The following DOK5 variants were observed in gnomAD, a reference collection of about 807,000 sequenced individuals.
The protein encoded by DOK5 is docking protein 5.
Under a neutral mutation model 43.3 loss-of-function variants are expected in DOK5, and 27 were observed. That is an observed-to-expected ratio of 0.62 (90% CI 0.46 to 0.86). The LOEUF (loss-of-function observed/expected upper bound fraction) is 0.86, where lower values mean the gene tolerates loss of function less well. Ranked by LOEUF, DOK5 falls within the 40% of genes least tolerant of loss-of-function variation. DOK5 has a pLI of 0.00. For missense variants in DOK5, 373 were observed against 392.9 expected (o/e 0.95, Z 0.43); for synonymous variants, 146 against 140.1 (o/e 1.04, Z -0.30).
At chr20:54,612,569 TA>T (rs1986684147) in intron 6 of DOK5, among the ~76,000 whole-genome samples, 1 of 151,080 alleles carries the variant, frequency 6.6e-6, no homozygotes, top group South Asian at 2.1e-4. Flanking sequence ...GAGGCCAGAA[TA>T]GAACAAAAGG....
At chr20:54,506,485 G>C (rs1018981112) in intron 1 of DOK5, among the ~76,000 whole-genome samples, 1 of 152,088 alleles carries the variant, frequency 6.6e-6, no homozygotes, top group Non-Finnish European at 1.5e-5. Flanking sequence ...TATTGAGACA[G>C]GGTCTTTCTC....
At chr20:54,622,965 G>A (rs1345156746) in intron 6 of DOK5, among the ~76,000 whole-genome samples, 1 of 152,138 alleles carries the variant, frequency 6.6e-6, no homozygotes, top group Non-Finnish European at 1.5e-5. Context: ...ATGAAATCAA[G>A]TACAGGACCC....
chr20:54,617,781 A>T (rs761699634), intron 6 of DOK5, among the ~76,000 whole-genome samples: 1 of 152,142 alleles, frequency 6.6e-6, no homozygotes, highest in Non-Finnish European at 1.5e-5. Context: ...TAGTGGTTTG[A>T]TTTTTCACTT....
intron 2 of DOK5, among the ~76,000 whole-genome samples, chr20:54,584,774 T>TACACACACAC (rs139033675): frequency 3.3e-4 from 48 of 146,642 alleles, no homozygotes; most frequent in African/African-American, 1.0e-3. Context: ...TATCTAGATA[T>TACACACACAC]ACACACACAC....
intron 2 of DOK5, among the ~76,000 whole-genome samples, chr20:54,585,539 T>C (rs1000291654): frequency 6.6e-6 from 1 of 152,162 alleles, no homozygotes; most frequent in African/African-American, 2.4e-5. Flanking sequence ...TTGGCACACG[T>C]GCTCTACCTC....
chr20:54,594,791 T>C (rs903691537), intron 5 of DOK5, among the ~76,000 whole-genome samples: 20 of 152,250 alleles, frequency 1.3e-4, no homozygotes, highest in African/African-American at 4.8e-4. Context: ...ATATCTATTT[T>C]AAACTTGAAA....
intron 1 of DOK5, among the ~76,000 whole-genome samples, chr20:54,486,203 G>A (rs920694978): frequency 6.6e-6 from 1 of 152,056 alleles, no homozygotes; most frequent in Admixed American, 6.6e-5. Flanking sequence ...TTATGCCTAT[G>A]GATGTACAGT....
intron 1 of DOK5, among the ~76,000 whole-genome samples, chr20:54,522,427 G>A (rs557224000): frequency 6.6e-6 from 1 of 152,266 alleles, no homozygotes; most frequent in Non-Finnish European, 1.5e-5. Context: ...GAAGACCATA[G>A]GTAGAGGCAG....
At chr20:54,524,106 C>T (rs138584983) in intron 1 of DOK5, among the ~76,000 whole-genome samples, 3 of 152,176 alleles carry the variant, frequency 2.0e-5, no homozygotes, top group Admixed American at 6.5e-5. Flanking sequence ...TCTAGCCCAA[C>T]GTTTATGCCC....
intron 1 of DOK5, among the ~76,000 whole-genome samples, chr20:54,485,863 G>A (rs982158834): frequency 4.6e-5 from 7 of 152,150 alleles, no homozygotes; most frequent in Non-Finnish European, 7.3e-5. Context: ...TAGATGTGTC[G>A]TGGTATCTTA....
rs897138237 is a variant in DOK5 at position 54,559,531 on chromosome 20, C to T, written c.174+4491C>T. Among the ~76,000 whole-genome samples, 4 of 151,862 alleles carry T rather than the reference C, an allele frequency of 2.6e-5. No homozygotes were observed. The East Asian group carries it at 5.8e-4, about 22-fold the overall frequency. ...TGAACGAAAGAGTGTGTCAAAAGAG[C>T]CTTTCATGATTAAATGTTGTGTGGT... On this transcript the variant is annotated intron_variant, in intron 2 of 7. Transcript: ENST00000262593.
At chr20:54,564,847 C>T (rs1225844105) in intron 2 of DOK5, among the ~76,000 whole-genome samples, 1 of 152,206 alleles carries the variant, frequency 6.6e-6, no homozygotes, top group African/African-American at 2.4e-5. Flanking sequence ...TATCAAAGCT[C>T]ATTGCCAATA....
intron 2 of DOK5, among the ~76,000 whole-genome samples, chr20:54,557,671 T>C (rs770297094): frequency 2.6e-5 from 4 of 152,202 alleles, no homozygotes; most frequent in Non-Finnish European, 5.9e-5. Context: ...CTGCCCTTTA[T>C]ACCTGCTCTT....
At chr20:54,547,558 A>G (rs1600694378) in intron 1 of DOK5, among the ~76,000 whole-genome samples, 1 of 152,220 alleles carries the variant, frequency 6.6e-6, no homozygotes, top group South Asian at 2.1e-4. Context: ...TTTGCTAGGA[A>G]AAGAAGCCAA....
At chr20:54,625,270 G>A (rs1987100088) in intron 6 of DOK5, among the ~76,000 whole-genome samples, 1 of 152,206 alleles carries the variant, frequency 6.6e-6, no homozygotes, top group Admixed American at 6.5e-5. Context: ...ATGTTTGGCA[G>A]ATCGTTAATT....
chr20:54,644,195 A>T (rs1009896407), intron 7 of DOK5, among the ~76,000 whole-genome samples: 1 of 152,244 alleles, frequency 6.6e-6, no homozygotes, highest in Non-Finnish European at 1.5e-5. Flanking sequence ...GGCAAATCCT[A>T]GTAAGCTCTT....
At chr20:54,540,779 C>A (rs1316908448) in intron 1 of DOK5, among the ~76,000 whole-genome samples, 1 of 152,112 alleles carries the variant, frequency 6.6e-6, no homozygotes, top group Non-Finnish European at 1.5e-5. Context: ...CCACAGTGGC[C>A]TCCCAAAATG....
At chr20:54,487,929 C>G (rs558704132) in intron 1 of DOK5, among the ~76,000 whole-genome samples, 159 of 152,300 alleles carry the variant, frequency 1.0e-3, no homozygotes, top group African/African-American at 3.6e-3. Flanking sequence ...TACAAGTTTC[C>G]ATGTTTAGAA....
chr20:54,568,998 A>C (rs1195061662), intron 2 of DOK5, among the ~76,000 whole-genome samples: 1 of 151,770 alleles, frequency 6.6e-6, no homozygotes, highest in Admixed American at 6.6e-5. Flanking sequence ...AAAAAAAAAA[A>C]AAAAAAATTC....
Sources: gnomAD v4.1 joint callset for allele counts (sites outside exome capture counted in the v4.1 genomes callset) on GRCh38, gnomAD v4.1.1 for gene constraint, MANE v1.5 for transcripts, NCBI Gene and HGNC (gene_info 2026-07-23, HGNC 2026-07-21) for gene names.